Variants in NASP observed in about 807,000 individuals in gnomAD.
NASP encodes NASP histone chaperone.
A neutral mutation model predicts 89.5 loss-of-function variants in NASP; 24 were observed. The ratio of observed to expected loss-of-function variants is 0.27; its 90% confidence interval spans 0.19 to 0.38. The LOEUF (loss-of-function observed/expected upper bound fraction) is 0.38, where lower values mean the gene tolerates loss of function less well. Among genes scored for constraint, NASP ranks in the 10% least tolerant of loss-of-function variants. NASP has a pLI of 1.00. For missense variants in NASP, 848 were observed against 921.4 expected, an observed-to-expected ratio of 0.92 and a Z score of 1.03; for synonymous variants, 306 against 324.7, an observed-to-expected ratio of 0.94 and a Z score of 0.62.
chr1:45,597,923 C>T (rs1406731198), intron 2 of NASP, among the ~76,000 whole-genome samples: 7 of 152,184 alleles, frequency 4.6e-5, no homozygotes, highest in African/African-American at 1.4e-4. Flanking sequence ...CCCCCTCATA[C>T]TTCCCTTCGT....
In NASP at chr1:45,616,650, G is replaced by T; in HGVS notation, c.2104G>T (p.Gly702Cys). The change falls in exon 13 of 15, where the codon GGT (glycine) becomes TGT (cysteine). Residue 702 changes from glycine to cysteine, a missense_variant. Gly to Cys is a radical substitution (Grantham distance 159, BLOSUM62 -3). Around this residue, in one of 5 missense-constraint regions of NASP, gnomAD observed 218 missense variants for 219.6 expected, o/e 0.99. Transcript: ENST00000350030. Reference sequence around the variant, plus strand: ...GATTGCCAGTAGAAAGCCAACAGACGGTGCTTCCTCATCAAATTGTGTGAC... The same window carrying T: ...GATTGCCAGTAGAAAGCCAACAGACTGTGCTTCCTCATCAAATTGTGTGAC... ...SMIASRKPTD[G>C]ASSSNCVTDI... 6.2e-7 allele frequency: 1 copy of T among 1,614,074 alleles called. No individual in the cohort carries two copies. Among genetic ancestry groups the T allele is most frequent in the East Asian group, 2.2e-5 (1 of 44,890 alleles).
intron 6 of NASP, 97 bp downstream of exon 6, chr1:45,608,434 G>T (rs1000253985): frequency 6.1e-6 from 8 of 1,313,554 alleles, no homozygotes; most frequent in Non-Finnish European, 8.5e-6. Context: ...AGGATTTTCC[G>T]TCTGCCTTTG....
intron 6 of NASP, 128 bp from the exon 7 acceptor site, chr1:45,613,041 G>A (rs1644042165): frequency 7.6e-7 from 1 of 1,320,652 alleles, no homozygotes; most frequent in Non-Finnish European, 1.0e-6. Flanking sequence ...CAGTTCAGGT[G>A]TTAACTCACT....
chr1:45,608,883 A>G (rs1176077841), intron 6 of NASP, among the ~76,000 whole-genome samples: 1 of 152,166 alleles, frequency 6.6e-6, no homozygotes, highest in Non-Finnish European at 1.5e-5. Flanking sequence ...CACCAGAGTT[A>G]AAGAATTCTG....
chr1:45,591,985 T>C (rs1643561273), intron 2 of NASP, among the ~76,000 whole-genome samples: 1 of 152,216 alleles, frequency 6.6e-6, no homozygotes, highest in Non-Finnish European at 1.5e-5. Flanking sequence ...CACATCTGGC[T>C]AATTATTTTA....
At chr1:45,595,409 TTTTG>T (rs780553011) in intron 2 of NASP, among the ~76,000 whole-genome samples, 1 of 152,186 alleles carries the variant, frequency 6.6e-6, no homozygotes, top group Non-Finnish European at 1.5e-5. Context: ...GGTTCTGGAT[TTTTG>T]TTTGTTCACT....
intron 1 of NASP, among the ~76,000 whole-genome samples, chr1:45,585,912 T>C (rs1335841322): frequency 1.3e-5 from 2 of 152,220 alleles, no homozygotes; most frequent in Non-Finnish European, 2.9e-5. Context: ...GTGTTGAGGT[T>C]ACAGGCGTGA....
intron 2 of NASP, among the ~76,000 whole-genome samples, chr1:45,598,353 A>G (rs979588946): frequency 3.9e-5 from 6 of 152,082 alleles, no homozygotes; most frequent in Non-Finnish European, 8.8e-5. Context: ...TATTTTTAGT[A>G]GAGACGGGGT....
chr1:45,614,519 T>C (rs568838158), intron 9 of NASP, among the ~76,000 whole-genome samples, 153 bp downstream of exon 9: 16 of 148,442 alleles, frequency 1.1e-4, no homozygotes, highest in African/African-American at 4.0e-4. Context: ...CAAGTGGCAC[T>C]CAGTCTTCCA....
intron 13 of NASP, 31 bp downstream of exon 13, chr1:45,616,734 C>T (rs201043807): frequency 4.9e-5 from 78 of 1,585,624 alleles, no homozygotes; most frequent in Admixed American, 4.0e-4. Flanking sequence ...TCTTTTCTAC[C>T]GTTTCCTCAG....
At chr1:45,584,634 G>GA (rs1002042407) in intron 1 of NASP, among the ~76,000 whole-genome samples, 7 of 102,972 alleles carry the variant, frequency 6.8e-5, no homozygotes, top group South Asian at 3.3e-4. Flanking sequence ...CGCCAAAAGG[G>GA]AAAAAAAACC....
Position 45,604,966 on chromosome 1 carries a change from G to C in NASP, c.249G>C (p.Glu83Asp). Reference sequence around the variant, plus strand: ...AGAAGTATGGAGAGACAGCTAATGAGTGTGGAGAAGCCTTCTTTTTCTATG... The same window carrying C: ...AGAAGTATGGAGAGACAGCTAATGACTGTGGAGAAGCCTTCTTTTTCTATG... ...LGKKYGETAN[E>D]CGEAFFFYGK... The change falls in exon 4 of 15, where the codon GAG becomes GAC. Residue 83 changes from glutamate (E) to aspartate (D), a missense_variant. Physicochemically the swap from Glu to Asp is conservative, Grantham distance 45. This residue lies in a region of NASP where 17 missense variants were observed against 38.6 expected (regional missense o/e 0.44). Transcript: ENST00000350030. The C allele has an allele frequency of 6.2e-7, 1 of 1,613,070 alleles. No individual in the cohort carries two copies. The highest frequency in any genetic ancestry group is 8.5e-7 in the Non-Finnish European group (1 of 1,179,154).
At chr1:45,584,400 G>C (rs1022527824) in intron 1 of NASP, among the ~76,000 whole-genome samples, 195 bp downstream of exon 1, 4 of 152,234 alleles carry the variant, frequency 2.6e-5, no homozygotes, top group African/African-American at 9.6e-5. Context: ...CGGTAACGGC[G>C]GTCGGCTGGC....
At chr1:45,608,427 A>G in intron 6 of NASP, 90 bp downstream of exon 6, 1 of 1,369,374 alleles carries the variant, frequency 7.3e-7, no homozygotes, top group Non-Finnish European at 1.0e-6. Flanking sequence ...TCCATTCAGG[A>G]TTTTCCGTCT....
At chr1:45,584,527 C>T (rs999400499) in intron 1 of NASP, among the ~76,000 whole-genome samples, 4 of 152,200 alleles carry the variant, frequency 2.6e-5, no homozygotes, top group Non-Finnish European at 5.9e-5. Context: ...AGGCGGGGCC[C>T]TGGCGCGCGG....
At chr1:45,599,379 C>G (rs145002778) in intron 2 of NASP, among the ~76,000 whole-genome samples, 1 of 151,488 alleles carries the variant, frequency 6.6e-6, no homozygotes, top group Non-Finnish European at 1.5e-5. Context: ...AGTGCTGGGA[C>G]TACAGGCATG....
intron 4 of NASP, chr1:45,605,742 G>T (rs1188426252): frequency 6.7e-6 from 1 of 149,916 alleles, no homozygotes; most frequent in African/African-American, 2.5e-5. Context: ...GATTACAGGC[G>T]TGAGTCACTG....
intron 2 of NASP, among the ~76,000 whole-genome samples, chr1:45,600,880 T>A (rs144194829): frequency 6.6e-6 from 1 of 152,232 alleles, no homozygotes; most frequent in Non-Finnish European, 1.5e-5. Context: ...TTAGCTATTA[T>A]AGTGAATATA....
At position 45,603,422 on chromosome 1, in the gene NASP, C is replaced by T. The variant is rs770329414; in HGVS notation, c.218+1057C>T. On this transcript the variant is annotated intron_variant, in intron 3 of 14. Coordinates refer to ENST00000350030, the MANE Select transcript of NASP (RefSeq NM_002482.4). ...AAGCGTTTGTGGGTTTCAGGTTTGA[C>T]GCTTAATATCAATCCATTCTTTTCC... is the stretch of plus-strand genomic sequence containing the variant. 2.6e-5 allele frequency among the ~76,000 whole-genome samples: 4 copies of T among 152,026 alleles called. No homozygotes were observed. The East Asian group carries it at 7.7e-4, about 29-fold the overall frequency.
Sources: allele counts gnomAD v4.1 joint callset (sites outside exome capture counted in the v4.1 genomes callset), GRCh38; gene constraint gnomAD v4.1.1; regional missense constraint gnomAD v4.1.1; transcripts MANE v1.5; gene names NCBI Gene and HGNC (gene_info 2026-07-23, HGNC 2026-07-21).